The following FOXP1 variants were observed in gnomAD, a reference collection of about 807,000 sequenced individuals.
The protein encoded by FOXP1 is forkhead box protein P1.
In FOXP1, 15 loss-of-function variants were observed where a neutral mutation model predicts 98.2. The observed-to-expected ratio is 0.15, with a 90% CI of 0.10 to 0.24. The LOEUF (loss-of-function observed/expected upper bound fraction) is 0.24, where lower values mean the gene tolerates loss of function less well. FOXP1 is among the 10% of genes least tolerant of loss of function. The probability of loss-of-function intolerance (pLI) is 1.00; values close to 1 mark genes in which losing one functional copy is unlikely to be tolerated. For missense variants in FOXP1, 633 were observed against 848.5 expected, an observed-to-expected ratio of 0.75 and a Z score of 3.15; for synonymous variants, 371 against 314.5, an observed-to-expected ratio of 1.18 and a Z score of -1.90.
chr3:70,977,060 ACAGAAGATAATTTATGACCAAAT>A lies in FOXP1; in HGVS notation c.1429-41_1429-19del, dbSNP rs1402572102. 4 of 1,527,444 alleles carry A rather than the reference ACAGAAGATAATTTATGACCAAAT, an allele frequency of 2.6e-6. No individual in the cohort carries two copies. The African/African-American group carries it at 5.5e-5, about 21-fold the overall frequency. 94.6% of individuals were successfully genotyped at this position (1,527,444 alleles called of 1,614,324 possible). A position where few individuals can be genotyped will look rare whatever the true frequency, so the allele number is the denominator to read the frequency against. ...AGAATGGCCTGTGAAGCAGAATGTA[ACAGAAGATAATTTATGACCAAAT>A]CAGCAGAGTCGTCATTCCACAGTTT... On this transcript the variant is annotated intron_variant, in intron 16 of 20. Coordinates refer to ENST00000649528, the MANE Select transcript of FOXP1 (RefSeq NM_001349338.3).
intron 4 of FOXP1, among the ~76,000 whole-genome samples, chr3:71,322,297 A>C (rs1325594028): frequency 6.6e-6 from 1 of 152,230 alleles, no homozygotes; most frequent in Non-Finnish European, 1.5e-5. Context: ...AATTAAAACT[A>C]AATATAACTA....
intron 3 of FOXP1, among the ~76,000 whole-genome samples, chr3:71,476,547 A>G (rs1407136326): frequency 6.6e-6 from 1 of 151,978 alleles, no homozygotes; most frequent in Non-Finnish European, 1.5e-5. Context: ...TGTTATTGCA[A>G]TGGCGCGATC....
intron 6 of FOXP1, among the ~76,000 whole-genome samples, chr3:71,163,365 T>C (rs2061238734): frequency 6.6e-6 from 1 of 152,216 alleles, no homozygotes; most frequent in Non-Finnish European, 1.5e-5. Flanking sequence ...TGCTGTGAAT[T>C]CTGGTCACCC....
intron 20 of FOXP1, among the ~76,000 whole-genome samples, chr3:70,965,466 G>A (rs552345920): frequency 5.9e-5 from 9 of 152,224 alleles, no homozygotes; most frequent in East Asian, 3.9e-4. Flanking sequence ...ATGCTGCGGC[G>A]GCGTGTTCGT....
In FOXP1 at chr3:71,396,933, T is replaced by TATATATGTGTATATATATATATAC. The variant is rs1486419154; in HGVS notation, c.-167-37690_-167-37689insGTATATATATATATACACATATAT. ...ATATATGTGTGTATATATATATATA[T>TATATATGTGTATATATATATATAC]ACACATATATATATGTGTATATATA... On this transcript the variant is annotated intron_variant, in intron 3 of 20. Transcript: ENST00000649528. 1.1e-4 allele frequency among the ~76,000 whole-genome samples: 5 copies of TATATATGTGTATATATATATATAC among 44,606 alleles called. 1 individual carries two copies. The highest frequency in any genetic ancestry group is 1.5e-4 in the Non-Finnish European group (3 of 19,800). The allele number at this position is 44,606 out of a possible 152,430, so 29.3% of individuals were successfully genotyped here.
chr3:71,536,275 A>C (rs1381287192), intron 2 of FOXP1, among the ~76,000 whole-genome samples: 1 of 152,178 alleles, frequency 6.6e-6, no homozygotes, highest in Non-Finnish European at 1.5e-5. Flanking sequence ...CCAAAGAAGA[A>C]GTTTCTGAAC....
intron 3 of FOXP1, among the ~76,000 whole-genome samples, chr3:71,375,789 T>C (rs2079668802): frequency 6.6e-6 from 1 of 152,218 alleles, no homozygotes; most frequent in African/African-American, 2.4e-5. Context: ...ATCATGACTT[T>C]TACAAAATCA....
At chr3:70,990,467 C>A (rs1326941227) in intron 13 of FOXP1, among the ~76,000 whole-genome samples, 4 of 152,166 alleles carry the variant, frequency 2.6e-5, no homozygotes, top group African/African-American at 9.7e-5. Context: ...AGCTCACCAT[C>A]CCCATCAATT....
In FOXP1 at chr3:70,993,999, G is replaced by GAAGAAAAAGAAA. The variant is rs5849975; in HGVS notation, c.1063-5934_1063-5923dup. On this transcript the variant is annotated intron_variant, in intron 13 of 20. Coordinates refer to ENST00000649528, the MANE Select transcript of FOXP1 (RefSeq NM_001349338.3). ...AACAGAGCAAAACTCCGTCTCAAAA[G>GAAGAAAAAGAAA]AAGAAAAAGAAAAAGAAAAAGAAAA... Among the ~76,000 whole-genome samples, 912 of 136,060 alleles carry GAAGAAAAAGAAA rather than the reference G, an allele frequency of 6.7e-3. 17 individuals carry two copies. The highest frequency in any genetic ancestry group is 0.024 in the African/African-American group (857 of 35,686). The allele number at this position is 136,060 out of a possible 152,430, so 89.3% of individuals were successfully genotyped here. A position where few individuals can be genotyped will look rare whatever the true frequency, so the allele number is the denominator to read the frequency against.
chr3:71,147,354 T>C (rs554870047), intron 6 of FOXP1, among the ~76,000 whole-genome samples: 2 of 152,338 alleles, frequency 1.3e-5, no homozygotes, highest in African/African-American at 4.8e-5. Flanking sequence ...CCTGTCTACC[T>C]TCATCTCATA....
intron 4 of FOXP1, among the ~76,000 whole-genome samples, chr3:71,339,741 A>T (rs2076906249): frequency 6.6e-6 from 1 of 152,202 alleles, no homozygotes; most frequent in African/African-American, 2.4e-5. Context: ...CTGTTGGGAA[A>T]CCCAGCAGGT....
intron 3 of FOXP1, among the ~76,000 whole-genome samples, chr3:71,480,011 C>T (rs2090148035): frequency 6.6e-6 from 1 of 152,118 alleles, no homozygotes; most frequent in Admixed American, 6.5e-5. Flanking sequence ...GCCTGACCAA[C>T]ATGGGGAAAC....
At chr3:71,362,825 G>A (rs2078664149) in intron 3 of FOXP1, among the ~76,000 whole-genome samples, 1 of 152,190 alleles carries the variant, frequency 6.6e-6, no homozygotes, top group South Asian at 2.1e-4. Flanking sequence ...ATTTGCTTAT[G>A]TGTGTTTTTT....
chr3:71,407,882 C>T (rs1553874581), intron 3 of FOXP1, among the ~76,000 whole-genome samples: 1 of 152,194 alleles, frequency 6.6e-6, no homozygotes, highest in Non-Finnish European at 1.5e-5. Context: ...TTATCTGTCG[C>T]TCTACAATTC....
chr3:71,121,372 A>G (rs1459446702), intron 6 of FOXP1, among the ~76,000 whole-genome samples: 1 of 149,830 alleles, frequency 6.7e-6, no homozygotes, highest in Non-Finnish European at 1.5e-5. Context: ...GACACCAGAA[A>G]AAAAAAAGGG....
chr3:71,398,211 T>C (rs1014162734), intron 3 of FOXP1, among the ~76,000 whole-genome samples: 1 of 152,224 alleles, frequency 6.6e-6, no homozygotes, highest in African/African-American at 2.4e-5. Flanking sequence ...CTATCTAATC[T>C]GATTGTATAT....
At chr3:71,335,594 T>C (rs2076613972) in intron 4 of FOXP1, among the ~76,000 whole-genome samples, 1 of 152,208 alleles carries the variant, frequency 6.6e-6, no homozygotes, top group Admixed American at 6.5e-5. Flanking sequence ...TCATGAGGCC[T>C]GGACACACTC....
At chr3:71,489,099 G>A (rs532588637) in intron 3 of FOXP1, among the ~76,000 whole-genome samples, 21 of 152,088 alleles carry the variant, frequency 1.4e-4, no homozygotes, top group Middle Eastern at 3.4e-3. Flanking sequence ...TGGAAGCTGC[G>A]CCACCACCGC....
At chr3:71,130,399 A>T in intron 6 of FOXP1, 1 of 1,189,272 alleles carries the variant, frequency 8.4e-7, no homozygotes, top group South Asian at 1.3e-5. Flanking sequence ...AAGTTGGATC[A>T]CCTTATTTCG....
Sources: gnomAD v4.1 joint callset for allele counts (sites outside exome capture counted in the v4.1 genomes callset) on GRCh38, gnomAD v4.1.1 for gene constraint, MANE v1.5 for transcripts, NCBI Gene and HGNC (gene_info 2026-07-23, HGNC 2026-07-21) for gene names.